Variants in C1orf21 observed in about 807,000 individuals in gnomAD.
The protein encoded by C1orf21 is uncharacterized protein C1orf21.
In C1orf21, 3 loss-of-function variants were observed where a neutral mutation model predicts 18.7. The observed-to-expected ratio is 0.16, with a 90% CI of 0.07 to 0.42. C1orf21 has a LOEUF of 0.42. Ranked by LOEUF, C1orf21 falls within the 10% of genes least tolerant of loss-of-function variation. The pLI is 0.99. For missense variants in C1orf21, 104 were observed against 143.6 expected, an observed-to-expected ratio of 0.72 and a Z score of 1.41; for synonymous variants, 41 against 46.4, an observed-to-expected ratio of 0.88 and a Z score of 0.47.
chr1:184,579,130 TG>T (rs1182027995), intron 3 of C1orf21, among the ~76,000 whole-genome samples: 1 of 150,906 alleles, frequency 6.6e-6, no homozygotes, highest in Non-Finnish European at 1.5e-5. Flanking sequence ...CTCCACCTCC[TG>T]GGTTCAAACA....
At chr1:184,593,632 CT>C (rs56072514) in intron 4 of C1orf21, among the ~76,000 whole-genome samples, 34,517 of 152,020 alleles carry the variant, frequency 0.23, 4,805 homozygotes, top group African/African-American at 0.39. Flanking sequence ...GTGAAAGATC[CT>C]GTCTTGAGCT....
chr1:184,502,258 C>G (rs1208486855), intron 2 of C1orf21, among the ~76,000 whole-genome samples: 1 of 152,174 alleles, frequency 6.6e-6, no homozygotes, highest in African/African-American at 2.4e-5. Flanking sequence ...TCCGCTTGTG[C>G]CTTCACATGG....
chr1:184,566,564 T>C, intron 3 of C1orf21: 3 of 381,974 alleles, frequency 7.9e-6, no homozygotes, highest in South Asian at 7.4e-5. Flanking sequence ...GCTTCCTCTC[T>C]ATGGTGGGTT....
In C1orf21 at chr1:184,548,497, C is replaced by T. The variant is rs574984266; in HGVS notation, c.189+40815C>T. 1.5e-4 allele frequency among the ~76,000 whole-genome samples: 22 copies of T among 149,048 alleles called. No individual in the cohort carries two copies. In the East Asian group the frequency reaches 3.4e-3, roughly 23 times the overall value. ...CGGCGCGATCTCCACTCACTACAAGCTCCGCCTCCCGGGTTCACGCCATTC... is the reference window on the plus strand; with the variant it reads ...CGGCGCGATCTCCACTCACTACAAGTTCCGCCTCCCGGGTTCACGCCATTC... On this transcript the variant is annotated intron_variant, in intron 3 of 5. Coordinates refer to ENST00000235307, the MANE Select transcript of C1orf21 (RefSeq NM_030806.4).
chr1:184,575,709 T>G (rs377754609), intron 3 of C1orf21, among the ~76,000 whole-genome samples: 1 of 148,130 alleles, frequency 6.8e-6, no homozygotes, highest in Non-Finnish European at 1.5e-5. Flanking sequence ...AGAAAAAAAA[T>G]TTTAATACAA....
At chr1:184,394,352 CTGGTGACTTA>C (rs1303864062) in intron 1 of C1orf21, among the ~76,000 whole-genome samples, 1 of 152,010 alleles carries the variant, frequency 6.6e-6, no homozygotes, top group African/African-American at 2.4e-5. Context: ...TTTACTTTGC[CTGGTGACTTA>C]TGGTTTTTCC....
intron 3 of C1orf21, among the ~76,000 whole-genome samples, chr1:184,528,660 G>T (rs1658413758): frequency 6.6e-6 from 1 of 152,056 alleles, no homozygotes; most frequent in South Asian, 2.1e-4. Flanking sequence ...GGCCAGGCTG[G>T]TCTCGAACTC....
At chr1:184,468,643 G>A (rs1380588604) in intron 1 of C1orf21, among the ~76,000 whole-genome samples, 1 of 152,218 alleles carries the variant, frequency 6.6e-6, no homozygotes, top group African/African-American at 2.4e-5. Flanking sequence ...TCTTGGCTGG[G>A]CAGAGTGGCT....
intron 3 of C1orf21, among the ~76,000 whole-genome samples, chr1:184,514,637 T>C (rs1362615599): frequency 1.3e-5 from 2 of 152,216 alleles, no homozygotes; most frequent in Non-Finnish European, 2.9e-5. Flanking sequence ...CACATCTTGC[T>C]GTCCACCCTA....
intron 1 of C1orf21, among the ~76,000 whole-genome samples, chr1:184,397,699 T>C (rs528953274): frequency 1.3e-5 from 2 of 152,342 alleles, no homozygotes; most frequent in Admixed American, 6.5e-5. Context: ...ATGTTTGGAA[T>C]CTGAGTTTAG....
At chr1:184,444,586 GA>G (rs1341639058) in intron 1 of C1orf21, among the ~76,000 whole-genome samples, 1 of 152,102 alleles carries the variant, frequency 6.6e-6, no homozygotes, top group Non-Finnish European at 1.5e-5. Flanking sequence ...TCAGCAGAAT[GA>G]AAATGGACTA....
At chr1:184,454,710 C>T (rs1657172243) in intron 1 of C1orf21, among the ~76,000 whole-genome samples, 2 of 152,124 alleles carry the variant, frequency 1.3e-5, no homozygotes, top group Non-Finnish European at 2.9e-5. Flanking sequence ...TGCTGACTCC[C>T]CCTTTGCCAT....
At chr1:184,393,733 G>C (rs1035725717) in intron 1 of C1orf21, among the ~76,000 whole-genome samples, 2 of 152,166 alleles carry the variant, frequency 1.3e-5, no homozygotes, top group Admixed American at 1.3e-4. Flanking sequence ...GCATTCCAGA[G>C]ATTTTCATAA....
rs557761438 is a variant in C1orf21 at position 184,428,894 on chromosome 1, G to T, written c.-125+41526G>T. Among the ~76,000 whole-genome samples, 10 of 152,172 alleles carry T rather than the reference G, an allele frequency of 6.6e-5. No individual in the cohort carries two copies. In the South Asian group the frequency reaches 1.2e-3, roughly 19 times the overall value. The stretch of plus-strand genomic sequence containing the variant: ...ATGACATCTCTGCATTGCTATTAAG[G>T]ACTTGCCAAATAAAAGGATCTGGTC... On this transcript the variant is annotated intron_variant, in intron 1 of 5. Coordinates refer to ENST00000235307, the MANE Select transcript of C1orf21 (RefSeq NM_030806.4).
At chr1:184,516,736 A>G (rs1019805290) in intron 3 of C1orf21, among the ~76,000 whole-genome samples, 5 of 152,234 alleles carry the variant, frequency 3.3e-5, no homozygotes, top group East Asian at 1.9e-4. Flanking sequence ...CCATGATTCA[A>G]TTATCTCCCA....
chr1:184,539,786 C>A (rs991973458), intron 3 of C1orf21, among the ~76,000 whole-genome samples: 5 of 152,150 alleles, frequency 3.3e-5, no homozygotes, highest in African/African-American at 1.2e-4. Context: ...ACTTGTTTTT[C>A]CAGATGAAAT....
chr1:184,537,959 A>G (rs547401959), intron 3 of C1orf21, among the ~76,000 whole-genome samples: 9 of 152,218 alleles, frequency 5.9e-5, no homozygotes, highest in African/African-American at 1.4e-4. Context: ...CCTAATTTCA[A>G]TTCTCTTGGG....
chr1:184,565,406 C>T (rs1558004102), intron 3 of C1orf21, among the ~76,000 whole-genome samples: 1 of 152,214 alleles, frequency 6.6e-6, no homozygotes, highest in Non-Finnish European at 1.5e-5. Context: ...AAGTTACTTA[C>T]AGACTTTAGA....
At chr1:184,527,062 C>A (rs527925347) in intron 3 of C1orf21, among the ~76,000 whole-genome samples, 1 of 152,250 alleles carries the variant, frequency 6.6e-6, no homozygotes, top group Admixed American at 6.5e-5. Context: ...ATGGAGGGGC[C>A]CCCTTTATGC....
Sources: allele counts gnomAD v4.1 joint callset (sites outside exome capture counted in the v4.1 genomes callset), GRCh38; gene constraint gnomAD v4.1.1; transcripts MANE v1.5; gene names NCBI Gene and HGNC (gene_info 2026-07-23, HGNC 2026-07-21).